Variants in GPC6 observed in about 807,000 individuals in gnomAD.
GPC6 encodes glypican-6.
In GPC6, 14 loss-of-function variants were observed where a neutral mutation model predicts 55.2. That is an observed-to-expected ratio of 0.25 (90% CI 0.17 to 0.40). The LOEUF (loss-of-function observed/expected upper bound fraction) is 0.40, where lower values mean the gene tolerates loss of function less well. Among genes scored for constraint, GPC6 ranks in the 10% least tolerant of loss-of-function variants. GPC6 has a pLI of 1.00. For synonymous variants in GPC6, 278 were observed against 259.6 expected (o/e 1.07, Z -0.68); for missense variants, 641 against 708.5 (o/e 0.90, Z 1.08).
chr13:94,094,754 CT>C (rs1350497754), intron 4 of GPC6, among the ~76,000 whole-genome samples: 2 of 152,070 alleles, frequency 1.3e-5, no homozygotes, highest in African/African-American at 4.8e-5. Context: ...ATACAGATTA[CT>C]TTTTCCTTCA....
At chr13:93,742,235 T>C (rs141975782) in intron 2 of GPC6, among the ~76,000 whole-genome samples, 1 of 152,334 alleles carries the variant, frequency 6.6e-6, no homozygotes, top group Admixed American at 6.5e-5. Context: ...TATGATTCCA[T>C]GTAAAGTGTG....
chr13:93,317,012 G>A (rs1049399144), intron 1 of GPC6, among the ~76,000 whole-genome samples: 1 of 152,064 alleles, frequency 6.6e-6, no homozygotes, highest in African/African-American at 2.4e-5. Flanking sequence ...CAATAATTGT[G>A]ACAGTGCTTC....
intron 2 of GPC6, among the ~76,000 whole-genome samples, chr13:93,812,074 A>G (rs1178047633): frequency 6.9e-6 from 1 of 145,366 alleles, no homozygotes; most frequent in Non-Finnish European, 1.5e-5. Context: ...AAGACCATAA[A>G]GAGGGAGATC....
Position 93,468,777 on chromosome 13 carries a change from A to G in GPC6, c.161-76486A>G, listed in dbSNP as rs563428956. Among the ~76,000 whole-genome samples, 49 of 152,372 alleles carry G rather than the reference A, an allele frequency of 3.2e-4. 1 individual carries two copies. The South Asian group carries it at 9.7e-3, about 30-fold the overall frequency. On this transcript the variant is annotated intron_variant, in intron 1 of 8. Coordinates refer to ENST00000377047, the MANE Select transcript of GPC6 (RefSeq NM_005708.5). Reference sequence around the variant, plus strand: ...AATTTCTAATGAATGCAATTGCACTATGCAAGGATGGGGCAGTTTCAATAG... The same window carrying G: ...AATTTCTAATGAATGCAATTGCACTGTGCAAGGATGGGGCAGTTTCAATAG...
chr13:93,218,873 A>C, the GPC6 span, among the ~76,000 whole-genome samples: 2 of 152,140 alleles, frequency 1.3e-5, no homozygotes, highest in African/African-American at 4.8e-5. Flanking sequence ...TTGAGAACCT[A>C]CGTAAATAAG....
chr13:93,683,272 C>CT (rs35040688), intron 2 of GPC6, among the ~76,000 whole-genome samples: 75,189 of 151,626 alleles, frequency 0.5, 20,500 homozygotes, highest in Middle Eastern at 0.75. Flanking sequence ...AATACAATAT[C>CT]TTTTTTTGGT....
chr13:93,977,438 G>T (rs1421717368), intron 3 of GPC6, among the ~76,000 whole-genome samples: 2 of 147,184 alleles, frequency 1.4e-5, no homozygotes, highest in South Asian at 2.1e-4. Flanking sequence ...AGCCAAATTG[G>T]TTTTCTATGA....
At chr13:93,630,808 C>T (rs1203000053) in intron 2 of GPC6, among the ~76,000 whole-genome samples, 1 of 152,088 alleles carries the variant, frequency 6.6e-6, no homozygotes, top group Non-Finnish European at 1.5e-5. Flanking sequence ...GAGTTTCTCA[C>T]CTTCTGTTAT....
intron 1 of GPC6, among the ~76,000 whole-genome samples, chr13:93,337,857 A>G (rs1361063422): frequency 6.6e-6 from 1 of 152,130 alleles, no homozygotes; most frequent in African/African-American, 2.4e-5. Flanking sequence ...GAAGAGTGGA[A>G]GTTTATAGGT....
intron 7 of GPC6, among the ~76,000 whole-genome samples, chr13:94,389,635 G>A (rs976740138): frequency 6.6e-6 from 1 of 152,194 alleles, no homozygotes; most frequent in Non-Finnish European, 1.5e-5. Flanking sequence ...AACTCAGAGG[G>A]ATTAAAAAGA....
intron 2 of GPC6, among the ~76,000 whole-genome samples, chr13:93,684,343 G>A (rs1045663030): frequency 7.9e-5 from 12 of 151,826 alleles, no homozygotes; most frequent in Non-Finnish European, 1.5e-5. Context: ...CCACCACTAC[G>A]CCCGGCTAAT....
chr13:93,251,401 A>AGAATG (rs1416201905), intron 1 of GPC6, among the ~76,000 whole-genome samples: 1 of 152,242 alleles, frequency 6.6e-6, no homozygotes, highest in Non-Finnish European at 1.5e-5. Flanking sequence ...AGGAGCAAAC[A>AGAATG]GAATGGAATC....
At chr13:93,930,275 G>GTTT (rs35858695) in intron 3 of GPC6, among the ~76,000 whole-genome samples, 11 of 123,838 alleles carry the variant, frequency 8.9e-5, no homozygotes, top group East Asian at 2.6e-4. Context: ...GAAACGAAAG[G>GTTT]TTTTTTTTTT....
At chr13:93,513,300 A>T (rs187399309) in intron 1 of GPC6, among the ~76,000 whole-genome samples, 1 of 152,210 alleles carries the variant, frequency 6.6e-6, no homozygotes, top group East Asian at 1.9e-4. Context: ...TGCCCCTGGG[A>T]TGATAAACCA....
At position 93,789,618 on chromosome 13, in the gene GPC6, T is replaced by TAATACTAC. The variant is rs1487043853; in HGVS notation, c.320-40535_320-40534insATACTACA. On this transcript the variant is annotated intron_variant, in intron 2 of 8. Coordinates refer to ENST00000377047, the MANE Select transcript of GPC6 (RefSeq NM_005708.5). Reference sequence around the variant, plus strand: ...TACTACATATATATATATATATATATATATATATATATATATATATATATA... The same window carrying TAATACTAC: ...TACTACATATATATATATATATATATAATACTACATATATATATATATATATATATATA... 9.1e-4 allele frequency among the ~76,000 whole-genome samples: 43 copies of TAATACTAC among 47,338 alleles called. 3 individuals carry two copies. The highest frequency in any genetic ancestry group is 7.8e-3 in the East Asian group (4 of 512). 31.1% of individuals were successfully genotyped at this position (47,338 alleles called of 152,430 possible).
At chr13:93,926,361 C>T (rs1877860120) in intron 3 of GPC6, among the ~76,000 whole-genome samples, 1 of 152,146 alleles carries the variant, frequency 6.6e-6, no homozygotes, top group Non-Finnish European at 1.5e-5. Flanking sequence ...TAGAAATAGA[C>T]AAATAGTCTT....
At chr13:93,939,350 C>T (rs773109227) in intron 3 of GPC6, among the ~76,000 whole-genome samples, 1 of 150,570 alleles carries the variant, frequency 6.6e-6, no homozygotes, top group Non-Finnish European at 1.5e-5. Flanking sequence ...ACCTAGGAGG[C>T]GGAGCTTGCA....
intron 4 of GPC6, among the ~76,000 whole-genome samples, chr13:94,266,766 A>T (rs1891831941): frequency 6.6e-6 from 1 of 152,222 alleles, no homozygotes; most frequent in Non-Finnish European, 1.5e-5. Flanking sequence ...TCTGGTATCA[A>T]GTACAGAGTC....
In GPC6 at chr13:94,128,474, T is replaced by C. The variant is rs147102565; in HGVS notation, c.877+100580T>C. Among the ~76,000 whole-genome samples the C allele has an allele frequency of 1.4e-4, 21 of 152,294 alleles. No homozygotes were observed. The East Asian group carries it at 4.1e-3, about 29-fold the overall frequency. On this transcript the variant is annotated intron_variant, in intron 4 of 8. Transcript: ENST00000377047. Reference sequence around the variant, plus strand: ...TCTTTCTAGCATTACATGCCTAATATGAGTCAGGTGGGGACGCTACACTTG... The same window carrying C: ...TCTTTCTAGCATTACATGCCTAATACGAGTCAGGTGGGGACGCTACACTTG...
Sources: allele counts gnomAD v4.1 joint callset (sites outside exome capture counted in the v4.1 genomes callset), GRCh38; gene constraint gnomAD v4.1.1; transcripts MANE v1.5; gene names NCBI Gene and HGNC (gene_info 2026-07-23, HGNC 2026-07-21).